Variants in VIM observed in about 807,000 individuals in gnomAD.
The protein encoded by VIM is vimentin.
A neutral mutation model predicts 50.3 loss-of-function variants in VIM; 18 were observed. That is an observed-to-expected ratio of 0.36 (90% CI 0.25 to 0.53). The LOEUF is 0.53. Ranked by LOEUF, VIM falls within the 20% of genes least tolerant of loss-of-function variation. The probability of loss-of-function intolerance (pLI) is 0.91; values close to 1 mark genes in which losing one functional copy is unlikely to be tolerated. For missense variants in VIM, 551 were observed against 614.7 expected (o/e 0.90, Z 1.10); for synonymous variants, 245 against 248.5 (o/e 0.99, Z 0.13).
At chr10:17,228,619 C>T (rs552364367) in intron 1 of VIM, 95 bp downstream of exon 1, 2 of 152,666 alleles carry the variant, frequency 1.3e-5, no homozygotes, top group Admixed American at 6.5e-5. Flanking sequence ...CGAAGCTGGA[C>T]TGAGCCCGTT....
chr10:17,229,100 G>C, intron 1 of VIM, 176 bp from the exon 2 acceptor site: 1 of 497,476 alleles, frequency 2.0e-6, no homozygotes, highest in South Asian at 2.2e-5. Context: ...ACGGGACCAT[G>C]CCCAGTCCCA....
chr10:17,237,030 G>A lies in VIM; in HGVS notation c.1360-200G>A, dbSNP rs17140331. 0.029 allele frequency among the ~76,000 whole-genome samples: 4,429 copies of A among 152,160 alleles called. 207 individuals carry two copies. Among genetic ancestry groups the A allele is most frequent in the African/African-American group, 0.1 (4,255 of 41,466 alleles). ...TTTTGTAAGTTACAACATTCCACTG[G>A]ATCCTTATATTGCCTGTAGTGGAAG... On this transcript the variant is annotated intron_variant, in intron 9 of 9. Transcript: ENST00000544301.
At chr10:17,235,470 C>T (rs1846871904) in intron 7 of VIM, 81 bp downstream of exon 7, 4 of 1,472,042 alleles carry the variant, frequency 2.7e-6, no homozygotes, top group East Asian at 2.3e-5. Flanking sequence ...AGCAGTGTCA[C>T]ATTTAATCTT....
chr10:17,229,864 G>C lies in VIM; in HGVS notation c.442G>C (p.Asp148His). The C allele has an allele frequency of 6.2e-7, 1 of 1,608,904 alleles. No individual in the cohort carries two copies. ...GGGCCAAGGCAAGTCGCGCCTGGGG[G>C]ACCTCTACGAGGAGGAGATGCGGGA... ...LKGQGKSRLGDLYEEEMRELR... is the reference protein window; with the variant it reads ...LKGQGKSRLGHLYEEEMRELR... Residue 148 changes from aspartate to histidine, a missense_variant, in exon 2 of 10, where the codon GAC becomes CAC. This residue lies in a region of VIM where 394 missense variants were observed against 437.5 expected (regional missense o/e 0.90). Transcript: ENST00000544301.
chr10:17,235,105 T>C, intron 6 of VIM, 64 bp from the exon 7 acceptor site: 2 of 1,577,518 alleles, frequency 1.3e-6, no homozygotes, highest in Admixed American at 3.4e-5. Context: ...GGTCTGTAAA[T>C]GGTTCTGGGA....
At position 17,235,900 on chromosome 10, in the gene VIM, T is replaced by C. The variant is rs1405710522; in HGVS notation, c.1273+11T>C. On this transcript the variant is annotated intron_variant, in intron 8 of 9. Coordinates refer to ENST00000544301, the MANE Select transcript of VIM (RefSeq NM_003380.5). ...CCCTGAACCTGAGGGGTAAGCATTT[T>C]ATTTCCCTTTAGGAAAAACGTCAGC... 2 of 1,612,496 alleles carry C rather than the reference T, an allele frequency of 1.2e-6. No homozygotes were observed. Among genetic ancestry groups the C allele is most frequent in the Non-Finnish European group, 1.7e-6 (2 of 1,178,604 alleles).
intron 6 of VIM, 21 bp downstream of exon 6, chr10:17,234,839 A>G (rs777574082): frequency 1.2e-6 from 2 of 1,614,084 alleles, no homozygotes; most frequent in Non-Finnish European, 1.7e-6. Flanking sequence ...ACCCTGCAGT[A>G]AAAGAGGGAA....
In VIM at chr10:17,233,627, G is replaced by A. The variant is rs750994048; in HGVS notation, c.665G>A (p.Arg222His). The change falls in exon 4 of 10, where the codon CGC becomes CAC. Residue 222 changes from arginine (R) to histidine (H), a missense_variant. Physicochemically the swap from Arg to His is conservative, Grantham distance 29. This residue lies in a region of VIM where 394 missense variants were observed against 437.5 expected (regional missense o/e 0.90). Coordinates refer to ENST00000544301, the MANE Select transcript of VIM (RefSeq NM_003380.5). Reference protein sequence around the residue: ...NASLARLDLERKVESLQEEIA... With the variant: ...NASLARLDLEHKVESLQEEIA... ...TCTCTGGCACGTCTTGACCTTGAACGCAAAGTGGAATCTTTGCAAGAAGAG... is the reference window on the plus strand; with the variant it reads ...TCTCTGGCACGTCTTGACCTTGAACACAAAGTGGAATCTTTGCAAGAAGAG... The A allele has an allele frequency of 3.1e-6, 5 of 1,614,158 alleles. No individual in the cohort carries two copies. Among genetic ancestry groups the A allele is most frequent in the South Asian group, 1.1e-5 (1 of 91,084 alleles).
chr10:17,233,540 T>G, intron 3 of VIM, 47 bp from the exon 4 acceptor site: 1 of 1,572,836 alleles, frequency 6.4e-7, no homozygotes, highest in Non-Finnish European at 8.7e-7. Flanking sequence ...AGATAAGCCA[T>G]ACACTTTTAC....
chr10:17,236,746 C>T (rs1478110159), intron 9 of VIM, among the ~76,000 whole-genome samples: 4 of 152,190 alleles, frequency 2.6e-5, no homozygotes, highest in Non-Finnish European at 5.9e-5. Flanking sequence ...TGTCTTCCTA[C>T]CTCCATACTT....
chr10:17,231,661 G>A (rs551241678), intron 3 of VIM, among the ~76,000 whole-genome samples: 22 of 152,194 alleles, frequency 1.4e-4, no homozygotes, highest in African/African-American at 5.3e-4. Flanking sequence ...CATTTTAAAA[G>A]TCCTTTCTTG....
Position 17,230,683 on chromosome 10 carries a change from C to G in VIM, c.597C>G (p.Ala199=). The part of the protein sequence containing the change: ...LQEEMLQREE[A]ENTLQSFRQD... Reference sequence around the variant, plus strand: ...AGGAGATGCTTCAGAGAGAGGAAGCCGAAAACACCCTGCAATCTTTCAGAC... The same window carrying G: ...AGGAGATGCTTCAGAGAGAGGAAGCGGAAAACACCCTGCAATCTTTCAGAC... The change falls in exon 3 of 10, where the codon GCC becomes GCG. Residue 199 remains alanine, a synonymous_variant. Coordinates refer to ENST00000544301, the MANE Select transcript of VIM (RefSeq NM_003380.5). 1.2e-6 allele frequency: 2 copies of G among 1,614,098 alleles called. No homozygotes were observed. Among genetic ancestry groups the G allele is most frequent in the Non-Finnish European group, 1.7e-6 (2 of 1,180,024 alleles).
intron 8 of VIM, 83 bp downstream of exon 8, chr10:17,235,972 A>T: frequency 6.9e-7 from 1 of 1,444,346 alleles, no homozygotes; most frequent in Non-Finnish European, 9.7e-7. Flanking sequence ...TTTTTTTAGG[A>T]TATCTGAAAA....
At chr10:17,230,912 T>C in intron 3 of VIM, 2 of 563,732 alleles carry the variant, frequency 3.5e-6, no homozygotes, top group Non-Finnish European at 6.2e-6. Flanking sequence ...CGATTTTTTT[T>C]TTTTTTTTGA....
rs2131682368 is a variant in VIM, at chr10:17,233,687, G to C, written c.720+5G>C. On this transcript the variant is annotated splice_donor_5th_base_variant and intron_variant, in intron 4 of 9. Transcript: ENST00000544301. ...TTGAAGAAACTCCACGAAGAGGTTA[G>C]TGGAGTGACTTTCGGGGAATGAATG... The C allele has an allele frequency of 6.2e-7, 1 of 1,614,210 alleles. No homozygotes were observed.
chr10:17,230,386 G>A (rs938955249), intron 2 of VIM: 4 of 579,872 alleles, frequency 6.9e-6, no homozygotes, highest in African/African-American at 1.9e-5. Context: ...TGGAGGGAGC[G>A]AGACAAAGGG....
At position 17,233,916 on chromosome 10, in the gene VIM, A is replaced by C; in HGVS notation, c.867A>C (p.Glu289Asp). Residue 289 changes from glutamate (E) to aspartate (D), a missense_variant, in exon 5 of 10, where the codon GAA becomes GAC. Around this residue, in one of 3 missense-constraint regions of VIM, gnomAD observed 394 missense variants for 437.5 expected, o/e 0.90. Coordinates refer to ENST00000544301, the MANE Select transcript of VIM (RefSeq NM_003380.5). ...VAAKNLQEAE[E>D]WYKSKFADLS... ...CCAAGAACCTGCAGGAGGCAGAAGA[A>C]TGGTACAAATCCAAGGTAGGAAACA... 6.2e-7 allele frequency: 1 copy of C among 1,613,840 alleles called. No individual in the cohort carries two copies. Among genetic ancestry groups the C allele is most frequent in the Non-Finnish European group, 8.5e-7 (1 of 1,179,842 alleles).
rs987730587 is a variant in VIM at position 17,237,481 on chromosome 10, T to C, written c.*210T>C. The C allele has an allele frequency of 1.1e-5, 6 of 557,754 alleles. No individual in the cohort carries two copies. Among genetic ancestry groups the C allele is most frequent in the African/African-American group, 5.7e-5 (3 of 52,664 alleles). The allele number at this position is 557,754 out of a possible 1,614,324, so 34.6% of individuals were successfully genotyped here. ...ACATAATCTAGTTTACAGAAAAATC[T>C]TGTGCTAGAATACTTTTTAAAAGGT... On this transcript the variant is annotated 3_prime_UTR_variant, in exon 10 of 10. Coordinates refer to ENST00000544301, the MANE Select transcript of VIM (RefSeq NM_003380.5).
Position 17,228,370 on chromosome 10 carries a change from G to A in VIM, c.-302G>A, listed in dbSNP as rs1219986383. 1.3e-5 allele frequency: 2 copies of A among 152,310 alleles called. No homozygotes were observed. The highest frequency in any genetic ancestry group is 3.9e-4 in the East Asian group (2 of 5,180). 9.4% of individuals were successfully genotyped at this position (152,310 alleles called of 1,614,324 possible). The stretch of plus-strand genomic sequence containing the variant: ...TAGGGGCGCTCTTGTCCCCCACAGG[G>A]CCCGACCGCACACAGCAAGGCGATG... On this transcript the variant is annotated 5_prime_UTR_variant, in exon 1 of 10. Coordinates refer to ENST00000544301, the MANE Select transcript of VIM (RefSeq NM_003380.5).
Sources: allele counts gnomAD v4.1 joint callset (sites outside exome capture counted in the v4.1 genomes callset), GRCh38; gene constraint gnomAD v4.1.1; regional missense constraint gnomAD v4.1.1; transcripts MANE v1.5; gene names NCBI Gene and HGNC (gene_info 2026-07-23, HGNC 2026-07-21).